The following GSTA1 variants were observed in gnomAD, a reference collection of about 807,000 sequenced individuals.
The protein encoded by GSTA1 is glutathione S-transferase alpha 1.
GSTA1 carries 23 observed loss-of-function variants against 21.5 expected under a neutral mutation model. That is an observed-to-expected ratio of 1.07 (90% confidence interval 0.77 to 1.52). GSTA1 has a LOEUF of 1.52. Among genes scored for constraint, GSTA1 ranks in the 40% most tolerant of loss-of-function variants. The pLI is 0.00. For synonymous variants in GSTA1, 125 were observed against 90.0 expected (o/e 1.39, Z -2.20); for missense variants, 301 against 264.2 (o/e 1.14, Z -0.96).
At position 52,791,870 on chromosome 6, in the gene GSTA1, A is replaced by T; in HGVS notation, c.657T>A (p.Ile219=). Residue 219 remains isoleucine (I), a synonymous_variant, in exon 7 of 7, where the codon ATT becomes ATA. Transcript: ENST00000334575. ...DEKSLEEARK[I]FRF ...CATGACTGCGTTATTAAAACCTGAAAATCTTCCTTGCTTCTTCTAAAGATT... is the reference window on the plus strand; with the variant it reads ...CATGACTGCGTTATTAAAACCTGAATATCTTCCTTGCTTCTTCTAAAGATT... The T allele has an allele frequency of 6.2e-7, 1 of 1,613,982 alleles. No homozygotes were observed. The highest frequency in any genetic ancestry group is 1.3e-5 in the African/African-American group (1 of 75,034).
At chr6:52,796,426 G>A (rs1429708337) in intron 3 of GSTA1, 112 bp from the exon 4 acceptor site, 23 of 1,379,410 alleles carry the variant, frequency 1.7e-5, no homozygotes, top group Non-Finnish European at 2.1e-5. Context: ...AGAAATTACT[G>A]CCTGGTAAGA....
At chr6:52,797,360 G>C (rs1763615265) in intron 3 of GSTA1, among the ~76,000 whole-genome samples, 1 of 152,112 alleles carries the variant, frequency 6.6e-6, no homozygotes. Context: ...TCAGCGGTGG[G>C]AGATTGTTCC....
At chr6:52,802,997 G>A (rs1367714149) in intron 1 of GSTA1, among the ~76,000 whole-genome samples, 3 of 152,150 alleles carry the variant, frequency 2.0e-5, no homozygotes, top group African/African-American at 2.4e-5. Flanking sequence ...ATGAGGTCAT[G>A]TAGTCCCATG....
chr6:52,796,388 G>T, intron 3 of GSTA1, 74 bp from the exon 4 acceptor site: 7 of 1,583,326 alleles, frequency 4.4e-6, no homozygotes, highest in Non-Finnish European at 6.0e-6. Context: ...AAATGGTTGT[G>T]GAAATGACTA....
chr6:52,794,395 T>C (rs1304137696), intron 4 of GSTA1, 129 bp from the exon 5 acceptor site: 3 of 807,828 alleles, frequency 3.7e-6, no homozygotes, highest in Non-Finnish European at 5.9e-6. Flanking sequence ...CCTTTTATAG[T>C]CTAGTCATTA....
chr6:52,795,762 T>A (rs557974037), intron 4 of GSTA1, among the ~76,000 whole-genome samples: 2 of 152,272 alleles, frequency 1.3e-5, no homozygotes, highest in East Asian at 3.9e-4. Context: ...ATTCTTGGAA[T>A]TACTGGGACC....
At chr6:52,794,024 T>A in intron 5 of GSTA1, 101 bp downstream of exon 5, 1 of 1,411,324 alleles carries the variant, frequency 7.1e-7, no homozygotes, top group Non-Finnish European at 1.0e-6. Context: ...GTTCAGGAAG[T>A]CTCACTGAAA....
intron 4 of GSTA1, 76 bp downstream of exon 4, chr6:52,796,106 T>C: frequency 6.2e-7 from 1 of 1,604,388 alleles, no homozygotes; most frequent in Non-Finnish European, 8.5e-7. Flanking sequence ...TGCCCTGCCA[T>C]CGTCCCACCC....
At chr6:52,800,292 CG>C (rs1282989020) in intron 1 of GSTA1, among the ~76,000 whole-genome samples, 2 of 152,158 alleles carry the variant, frequency 1.3e-5, no homozygotes, top group Non-Finnish European at 2.9e-5. Context: ...AATGATGGAT[CG>C]GGATGCAGAC....
chr6:52,792,892 A>C lies in GSTA1; in HGVS notation c.510T>G (p.Leu170=). The C allele has an allele frequency of 6.2e-7, 1 of 1,614,094 alleles. No homozygotes were observed. Among genetic ancestry groups the C allele is most frequent in the Non-Finnish European group, 8.5e-7 (1 of 1,179,960 alleles). The change falls in exon 6 of 7, where the codon CTT becomes CTG. Residue 170 remains leucine, a synonymous_variant. Coordinates refer to ENST00000334575, the MANE Select transcript of GSTA1 (RefSeq NM_145740.5). ...GGAAGCTGGAGATAAGACTGGAGTC[A>C]AGCTCCTCGACGTAGTAGAGAAGTT... ...LVELLYYVEE[L]DSSLISSFPL...
chr6:52,801,945 C>G lies in GSTA1; in HGVS notation c.-31+1840G>C, dbSNP rs191937504. ...GGTCCAGAGCTTTTCCACTCCACCTCATAACCTGGCTCTCAGCTCCTGTCT... is the reference window on the plus strand; with the variant it reads ...GGTCCAGAGCTTTTCCACTCCACCTGATAACCTGGCTCTCAGCTCCTGTCT... On this transcript the variant is annotated intron_variant, in intron 1 of 6. Coordinates refer to ENST00000334575, the MANE Select transcript of GSTA1 (RefSeq NM_145740.5). Among the ~76,000 whole-genome samples the G allele has an allele frequency of 6.3e-4, 96 of 152,196 alleles. 1 individual carries two copies. The East Asian group carries it at 0.018, about 28-fold the overall frequency.
At chr6:52,796,543 A>ATATAT (rs1300549721) in intron 3 of GSTA1, among the ~76,000 whole-genome samples, 33 of 23,754 alleles carry the variant, frequency 1.4e-3, no homozygotes, top group Non-Finnish European at 3.2e-3. Context: ...ATATATATAT[A>ATATAT]TTTTTTTTTT....
chr6:52,797,492 T>C lies in GSTA1; in HGVS notation c.139+94A>G, dbSNP rs746083720. On this transcript the variant is annotated intron_variant, in intron 3 of 6. Transcript: ENST00000334575. ...CCCTCTGCACCATGTACAAATACCA[T>C]GCCCCACACCCATAGACATTGCCGG... The C allele has an allele frequency of 3.4e-4, 291 of 854,190 alleles. 1 individual carries two copies. Among genetic ancestry groups the C allele is most frequent in the Non-Finnish European group, 4.6e-4 (232 of 505,128 alleles). 52.9% of individuals were successfully genotyped at this position (854,190 alleles called of 1,614,324 possible). A position where few individuals can be genotyped will look rare whatever the true frequency, so the allele number is the denominator to read the frequency against.
chr6:52,791,968 T>C lies in GSTA1; in HGVS notation c.559A>G (p.Arg187Gly), dbSNP rs374361982. Residue 187 changes from arginine (R) to glycine (G), a missense_variant, in exon 7 of 7, where the codon AGA (arginine) becomes GGA (glycine). Arg to Gly is a moderately radical substitution (Grantham distance 125). Transcript: ENST00000334575. ...SFPLLKALKT[R>G]ISNLPTVKKF... ...TTCACTGTGGGCAGGTTGCTGATTCTGGTTTTCAGGGCCTGTAATTCATAA... is the reference window on the plus strand; with the variant it reads ...TTCACTGTGGGCAGGTTGCTGATTCCGGTTTTCAGGGCCTGTAATTCATAA... 1.2e-6 allele frequency: 2 copies of C among 1,613,980 alleles called. No homozygotes were observed. Among genetic ancestry groups the C allele is most frequent in the Non-Finnish European group, 1.7e-6 (2 of 1,179,850 alleles).
chr6:52,792,093 G>A, intron 6 of GSTA1, 113 bp from the exon 7 acceptor site: 1 of 1,442,518 alleles, frequency 6.9e-7, no homozygotes, highest in East Asian at 2.3e-5. Context: ...TGCTCCATCA[G>A]CACAAGCATG....
chr6:52,799,911 C>G (rs1763674651), intron 1 of GSTA1, among the ~76,000 whole-genome samples: 1 of 152,204 alleles, frequency 6.6e-6, no homozygotes, highest in Non-Finnish European at 1.5e-5. Context: ...GGAGCTAAGT[C>G]ACTCTTCACC....
At chr6:52,795,175 T>C (rs1046400236) in intron 4 of GSTA1, among the ~76,000 whole-genome samples, 1 of 152,202 alleles carries the variant, frequency 6.6e-6, no homozygotes, top group African/African-American at 2.4e-5. Context: ...TCTACCTCTA[T>C]GGATTTGACT....
intron 5 of GSTA1, among the ~76,000 whole-genome samples, chr6:52,793,589 G>A (rs1184838082): frequency 2.6e-5 from 4 of 152,076 alleles, no homozygotes; most frequent in Non-Finnish European, 4.4e-5. Flanking sequence ...AAGCGTTTAC[G>A]GGTGAACTGC....
chr6:52,802,839 A>G (rs1284998593), intron 1 of GSTA1, among the ~76,000 whole-genome samples: 2 of 152,164 alleles, frequency 1.3e-5, no homozygotes. Flanking sequence ...CTGTCATATG[A>G]TGGCTCTCTG....
Sources: allele counts gnomAD v4.1 joint callset (sites outside exome capture counted in the v4.1 genomes callset), GRCh38; gene constraint gnomAD v4.1.1; transcripts MANE v1.5; gene names NCBI Gene and HGNC (gene_info 2026-07-23, HGNC 2026-07-21).